Variants in NCAM2 observed in about 807,000 individuals in gnomAD.
The protein encoded by NCAM2 is neural cell adhesion molecule 2, also known as N-CAM-2.
In NCAM2, 30 loss-of-function variants were observed where a neutral mutation model predicts 98.1. The observed-to-expected ratio is 0.31, with a 90% CI of 0.23 to 0.41. NCAM2 has a LOEUF of 0.41. Among genes scored for constraint, NCAM2 ranks in the 10% least tolerant of loss-of-function variants. The probability of loss-of-function intolerance (pLI) is 1.00; values close to 1 mark genes in which losing one functional copy is unlikely to be tolerated. For missense variants in NCAM2, 867 were observed against 1,005.8 expected (o/e 0.86, Z 1.87); for synonymous variants, 368 against 342.4 (o/e 1.07, Z -0.83).
At chr21:21,495,832 T>G (rs536771421) in intron 15 of NCAM2, among the ~76,000 whole-genome samples, 1 of 151,972 alleles carries the variant, frequency 6.6e-6, no homozygotes, top group East Asian at 1.9e-4. Flanking sequence ...TTTATTATGT[T>G]TCCTTGACCA....
chr21:21,228,990 C>T (rs2070506840), intron 1 of NCAM2, among the ~76,000 whole-genome samples: 1 of 151,266 alleles, frequency 6.6e-6, no homozygotes, highest in South Asian at 2.1e-4. Context: ...TTTGTATAAA[C>T]ATATGATTTA....
intron 12 of NCAM2, among the ~76,000 whole-genome samples, chr21:21,454,443 G>T (rs545531032): frequency 6.6e-6 from 1 of 152,020 alleles, no homozygotes; most frequent in Non-Finnish European, 1.5e-5. Context: ...ATAATTTTAA[G>T]GTGTTAACAT....
At position 20,998,692 on chromosome 21, in the gene NCAM2, C is replaced by T. The variant is rs2063964657; in HGVS notation, c.55+74C>T. ...CGGCCAAGAGAGGCAAAGAGGGAGG[C>T]GCAGGAAGAATGAAATGAAAGAACT... On this transcript the variant is annotated intron_variant, in intron 1 of 17. Coordinates refer to ENST00000400546, the MANE Select transcript of NCAM2 (RefSeq NM_004540.5). 5.1e-6 allele frequency: 7 copies of T among 1,372,066 alleles called. 1 individual carries two copies. The highest frequency in any genetic ancestry group is 1.2e-5 in the South Asian group (1 of 83,958). The allele number at this position is 1,372,066 out of a possible 1,614,324, so 85.0% of individuals were successfully genotyped here.
Position 21,155,866 on chromosome 21 carries a change from G to A in NCAM2, c.56-124712G>A, listed in dbSNP as rs73334326. ...AAATATTTTCATTGCCTGTGAAGAT[G>A]CAGAAAATACTAGCAGATACTTTGG... On this transcript the variant is annotated intron_variant, in intron 1 of 17. Transcript: ENST00000400546. Among the ~76,000 whole-genome samples, 510 of 152,082 alleles carry A rather than the reference G, an allele frequency of 3.4e-3. 6 individuals carry two copies. Among genetic ancestry groups the A allele is most frequent in the African/African-American group, 0.012 (489 of 41,532 alleles).
intron 1 of NCAM2, among the ~76,000 whole-genome samples, chr21:21,264,871 T>TG (rs2072079671): frequency 1.5e-5 from 2 of 135,710 alleles, no homozygotes; most frequent in African/African-American, 5.4e-5. Flanking sequence ...TGTGTGTGTG[T>TG]TCATAGTGGG....
At chr21:21,245,483 C>T (rs2147259651) in intron 1 of NCAM2, among the ~76,000 whole-genome samples, 1 of 152,274 alleles carries the variant, frequency 6.6e-6, no homozygotes, top group African/African-American at 2.4e-5. Context: ...TGTTTTCTCA[C>T]ACAGACAGAA....
chr21:21,445,161 C>T (rs1369467345), intron 12 of NCAM2, among the ~76,000 whole-genome samples: 2 of 152,094 alleles, frequency 1.3e-5, no homozygotes, highest in Non-Finnish European at 2.9e-5. Context: ...GTTTCTTAAT[C>T]CTGAGTTCTA....
intron 8 of NCAM2, among the ~76,000 whole-genome samples, chr21:21,362,953 T>G (rs2075686114): frequency 6.6e-6 from 1 of 152,158 alleles, no homozygotes; most frequent in South Asian, 2.1e-4. Context: ...TATGGATATT[T>G]GCATTTAATT....
intron 1 of NCAM2, among the ~76,000 whole-genome samples, chr21:21,126,997 G>T (rs944673072): frequency 1.2e-4 from 18 of 151,714 alleles, no homozygotes; most frequent in African/African-American, 4.4e-4. Context: ...TCCCTCATAA[G>T]AACTTTCAGA....
intron 15 of NCAM2, among the ~76,000 whole-genome samples, chr21:21,508,109 C>A (rs562178719): frequency 7.2e-5 from 11 of 152,188 alleles, no homozygotes; most frequent in African/African-American, 2.6e-4. Flanking sequence ...TTCTTTATGT[C>A]TTTTGGGATT....
intron 5 of NCAM2, among the ~76,000 whole-genome samples, chr21:21,313,570 T>G (rs368513478): frequency 1.3e-5 from 2 of 151,998 alleles, no homozygotes; most frequent in South Asian, 4.1e-4. Context: ...GTTTTTATTT[T>G]ATTCTAGTTT....
At chr21:21,354,185 A>G (rs2075411956) in intron 8 of NCAM2, among the ~76,000 whole-genome samples, 1 of 152,108 alleles carries the variant, frequency 6.6e-6, no homozygotes, top group African/African-American at 2.4e-5. Flanking sequence ...CAGAATCTAT[A>G]ATTACTTTAT....
At chr21:21,344,086 C>T (rs954394834) in intron 8 of NCAM2, among the ~76,000 whole-genome samples, 1 of 152,152 alleles carries the variant, frequency 6.6e-6, no homozygotes, top group African/African-American at 2.4e-5. Context: ...GTTGTGAGGA[C>T]TTTGTTCCAT....
chr21:21,315,152 C>T (rs1007119935), intron 5 of NCAM2, among the ~76,000 whole-genome samples: 2 of 152,088 alleles, frequency 1.3e-5, no homozygotes, highest in Non-Finnish European at 2.9e-5. Context: ...TATTCAGACG[C>T]CATTTTCATT....
At chr21:21,185,967 C>A (rs1326440758) in intron 1 of NCAM2, among the ~76,000 whole-genome samples, 1 of 152,232 alleles carries the variant, frequency 6.6e-6, no homozygotes, top group East Asian at 1.9e-4. Context: ...AGTGAGGAAG[C>A]AGATTGCAGT....
At chr21:21,271,645 A>G (rs369604327) in intron 1 of NCAM2, among the ~76,000 whole-genome samples, 13 of 152,212 alleles carry the variant, frequency 8.5e-5, no homozygotes, top group Admixed American at 8.5e-4. Context: ...TTATAAGACA[A>G]TGTGGCTATT....
At chr21:21,144,233 C>G (rs1197849726) in intron 1 of NCAM2, among the ~76,000 whole-genome samples, 5 of 151,768 alleles carry the variant, frequency 3.3e-5, no homozygotes, top group Non-Finnish European at 7.4e-5. Context: ...CCTGTAATCC[C>G]TGCTACTCAG....
At chr21:21,523,103 A>C (rs1989123615) in intron 16 of NCAM2, among the ~76,000 whole-genome samples, 1 of 152,060 alleles carries the variant, frequency 6.6e-6, no homozygotes, top group African/African-American at 2.4e-5. Flanking sequence ...TTGTTAATTG[A>C]ATAGTTTGCA....
At chr21:21,418,391 A>C (rs1467430055) in intron 10 of NCAM2, 82 bp from the exon 11 acceptor site, 2 of 958,356 alleles carry the variant, frequency 2.1e-6, no homozygotes, top group Non-Finnish European at 3.3e-6. Flanking sequence ...GAAATGTGTG[A>C]AAGTGGTAGT....
Sources: allele counts gnomAD v4.1 joint callset (sites outside exome capture counted in the v4.1 genomes callset), GRCh38; gene constraint gnomAD v4.1.1; transcripts MANE v1.5; gene names NCBI Gene and HGNC (gene_info 2026-07-23, HGNC 2026-07-21).